Variants in SAXO1 observed in about 807,000 individuals in gnomAD.
The protein encoded by SAXO1 is stabilizer of axonemal microtubules 1.
A neutral mutation model predicts 17.5 loss-of-function variants in SAXO1; 21 were observed. That is an observed-to-expected ratio of 1.20 (90% confidence interval 0.85 to 1.72). SAXO1 has a LOEUF of 1.72. Among genes scored for constraint, SAXO1 ranks in the 40% most tolerant of loss-of-function variants. SAXO1 has a pLI of 0.00. For synonymous variants in SAXO1, 274 were observed against 216.5 expected, an observed-to-expected ratio of 1.27 and a Z score of -2.33; for missense variants, 843 against 596.0, an observed-to-expected ratio of 1.41 and a Z score of -4.32.
At chr9:19,010,752 T>C (rs553816258) in intron 1 of SAXO1, among the ~76,000 whole-genome samples, 1 of 152,278 alleles carries the variant, frequency 6.6e-6, no homozygotes, top group East Asian at 1.9e-4. Context: ...TATACAACAG[T>C]ATTCTAGGAA....
chr9:19,049,118 C>G lies in SAXO1; in HGVS notation c.-158+91G>C, dbSNP rs1836291107. On this transcript the variant is annotated intron_variant, in intron 1 of 3. Coordinates refer to the SAXO1 transcript ENST00000542071. This position sits in a 1 kb window ranked among gnomAD's most constrained non-coding sequence, Gnocchi z 5.4. The stretch of plus-strand genomic sequence containing the variant: ...CTGCGGAAACCGGCCCGACACACCT[C>G]GCTCCTAAAGCCAGTTGCGGTGGTG... 6.5e-6 allele frequency: 1 copy of G among 152,734 alleles called. No individual in the cohort carries two copies. Among genetic ancestry groups the G allele is most frequent in the Admixed American group, 6.5e-5 (1 of 15,296 alleles). The allele number at this position is 152,734 out of a possible 1,614,324, so 9.5% of individuals were successfully genotyped here.
rs551390302 is a variant in SAXO1, at chr9:19,026,384, T to C, written c.38+6487A>G. Among the ~76,000 whole-genome samples, 19 of 152,344 alleles carry C rather than the reference T, an allele frequency of 1.2e-4. No individual in the cohort carries two copies. In the South Asian group the frequency reaches 3.5e-3, roughly 28 times the overall value. ...GTGCCTGAAGCTTAACATGTTCCCATATATTAAAATTAATCTCAATGTTTC... is the reference window on the plus strand; with the variant it reads ...GTGCCTGAAGCTTAACATGTTCCCACATATTAAAATTAATCTCAATGTTTC... On this transcript the variant is annotated intron_variant, in intron 1 of 3. Coordinates refer to ENST00000380534, the MANE Select transcript of SAXO1 (RefSeq NM_153707.4).
At chr9:18,980,778 ACT>A (rs1833352884) in intron 1 of SAXO1, among the ~76,000 whole-genome samples, 1 of 116,332 alleles carries the variant, frequency 8.6e-6, no homozygotes, top group Non-Finnish European at 1.9e-5. Flanking sequence ...TTTTTAAAAA[ACT>A]GAAAAAAAAA....
intron 1 of SAXO1, among the ~76,000 whole-genome samples, chr9:18,963,347 A>T (rs1220316291): frequency 6.6e-6 from 1 of 152,144 alleles, no homozygotes; most frequent in Non-Finnish European, 1.5e-5. Context: ...GAAGAAAGTT[A>T]ATGGTAGCTT....
chr9:18,976,597 C>A (rs567951978), intron 1 of SAXO1, among the ~76,000 whole-genome samples: 1 of 150,706 alleles, frequency 6.6e-6, no homozygotes. Context: ...AAAGAGTGGC[C>A]TAAAGTGTCT....
At chr9:19,018,935 C>G (rs2131011582) in intron 1 of SAXO1, among the ~76,000 whole-genome samples, 1 of 151,924 alleles carries the variant, frequency 6.6e-6, no homozygotes, top group Non-Finnish European at 1.5e-5. Context: ...CATGGAGAAA[C>G]CCTGTCTCTA....
Position 18,928,320 on chromosome 9 carries a change from G to A in SAXO1, c.1157C>T (p.Thr386Ile), listed in dbSNP as rs780839923. 2 of 1,613,514 alleles carry A rather than the reference G, an allele frequency of 1.2e-6. No individual in the cohort carries two copies. The highest frequency in any genetic ancestry group is 1.7e-5 in the Admixed American group (1 of 59,984). Reference protein sequence around the residue: ...AHYVPHLPINTKSCKPHWSGP... With the variant: ...AHYVPHLPINIKSCKPHWSGP... ...AGACCAATGAGGCTTACAGCTTTTG[G>A]TATTGATAGGCAGGTGGGGCACATA... The change falls in exon 4 of 4, where the codon ACC (threonine) becomes ATC (isoleucine). Residue 386 changes from threonine to isoleucine, a missense_variant. Transcript: ENST00000380534.
intron 1 of SAXO1, among the ~76,000 whole-genome samples, chr9:18,976,011 A>T (rs1833136076): frequency 6.6e-6 from 1 of 152,220 alleles, no homozygotes; most frequent in Non-Finnish European, 1.5e-5. Context: ...TGCAATACTT[A>T]GGTGTTCACT....
chr9:19,045,111 C>T (rs111505727), intron 1 of SAXO1, among the ~76,000 whole-genome samples: 2 of 150,180 alleles, frequency 1.3e-5, no homozygotes, highest in African/African-American at 4.9e-5. Context: ...GAGATCGAGA[C>T]CATCCTGGCT....
At chr9:19,020,980 A>C (rs1271712317) in intron 1 of SAXO1, among the ~76,000 whole-genome samples, 1 of 152,226 alleles carries the variant, frequency 6.6e-6, no homozygotes, top group Non-Finnish European at 1.5e-5. Flanking sequence ...CCACAAGATT[A>C]TCTTGGCAAG....
chr9:19,013,794 G>A (rs1346512802), intron 1 of SAXO1, among the ~76,000 whole-genome samples: 1 of 151,948 alleles, frequency 6.6e-6, no homozygotes, highest in African/African-American at 2.4e-5. Flanking sequence ...TGATCCACCC[G>A]CCTCGGCCTC....
chr9:18,931,150 A>G (rs957060057), intron 3 of SAXO1, among the ~76,000 whole-genome samples: 3 of 152,212 alleles, frequency 2.0e-5, no homozygotes, highest in African/African-American at 7.2e-5. Context: ...CAAAAATACC[A>G]ATTATCTTCA....
At chr9:18,988,020 G>C (rs879261609) in intron 1 of SAXO1, among the ~76,000 whole-genome samples, 4 of 152,150 alleles carry the variant, frequency 2.6e-5, no homozygotes, top group Non-Finnish European at 5.9e-5. Context: ...TTCCCTTCAA[G>C]GGTAATCCCA....
intron 3 of SAXO1, among the ~76,000 whole-genome samples, chr9:18,937,770 A>G (rs2131688162): frequency 6.6e-6 from 1 of 152,318 alleles, no homozygotes; most frequent in South Asian, 2.1e-4. Flanking sequence ...CCCTCACTGG[A>G]CACCAAACCT....
chr9:19,016,411 G>A (rs1834976973), intron 1 of SAXO1, among the ~76,000 whole-genome samples: 1 of 152,094 alleles, frequency 6.6e-6, no homozygotes, highest in Non-Finnish European at 1.5e-5. Flanking sequence ...ACTCCAGCAT[G>A]GGCGACAGAG....
At chr9:19,033,341 C>G (rs1017868103), upstream of SAXO1, 6 of 171,830 alleles carry the variant, frequency 3.5e-5, no homozygotes, top group East Asian at 1.6e-4. Flanking sequence ...CAGCACCTCA[C>G]TGGCAGGCCC....
At chr9:18,937,155 G>A (rs972885966) in intron 3 of SAXO1, among the ~76,000 whole-genome samples, 2 of 152,224 alleles carry the variant, frequency 1.3e-5, no homozygotes, top group Non-Finnish European at 1.5e-5. Context: ...CCCAAGGGGT[G>A]ATACACCAAG....
At chr9:18,929,288 T>C (rs948829119) in intron 3 of SAXO1, among the ~76,000 whole-genome samples, 4 of 152,178 alleles carry the variant, frequency 2.6e-5, no homozygotes, top group Non-Finnish European at 5.9e-5. Context: ...CCCACAATAC[T>C]GCATGCAGGG....
intron 1 of SAXO1, among the ~76,000 whole-genome samples, chr9:18,996,971 G>A (rs1240502564): frequency 6.6e-6 from 1 of 152,076 alleles, no homozygotes; most frequent in South Asian, 2.1e-4. Context: ...AATTTAGGAG[G>A]CACTTCCAAG....
Sources: gnomAD v4.1 joint callset for allele counts (sites outside exome capture counted in the v4.1 genomes callset) on GRCh38, gnomAD v4.1.1 for gene constraint, Gnocchi (gnomAD v3.1) non-coding constraint, MANE v1.5 for transcripts, NCBI Gene and HGNC (gene_info 2026-07-23, HGNC 2026-07-21) for gene names.